The following ADAM7 variants were observed in gnomAD, a reference collection of about 807,000 sequenced individuals.
The protein encoded by ADAM7 is disintegrin and metalloproteinase domain-containing protein 7.
In ADAM7, 97 loss-of-function variants were observed where a neutral mutation model predicts 102.9. That is an observed-to-expected ratio of 0.94 (90% confidence interval 0.80 to 1.12). ADAM7 has a LOEUF of 1.12. ADAM7 is among the 50% of genes most tolerant of loss of function. The pLI is 0.00. For missense variants in ADAM7, 991 were observed against 908.7 expected (o/e 1.09, Z -1.16); for synonymous variants, 334 against 304.4 (o/e 1.10, Z -1.01).
At chr8:24,495,207 C>A (rs1382136183) in intron 16 of ADAM7, among the ~76,000 whole-genome samples, 1 of 152,074 alleles carries the variant, frequency 6.6e-6, no homozygotes, top group Non-Finnish European at 1.5e-5. Context: ...GCTCATAGTC[C>A]CCAGAGTATC....
intron 14 of ADAM7, 55 bp downstream of exon 14, chr8:24,492,153 T>C (rs1211587907): frequency 2.6e-5 from 40 of 1,525,276 alleles, no homozygotes; most frequent in Non-Finnish European, 3.3e-5. Context: ...TATTTCTCTG[T>C]TATTGCCCTG....
At chr8:24,489,766 GAA>G (rs766897629) in intron 12 of ADAM7, among the ~76,000 whole-genome samples, 7 of 152,174 alleles carry the variant, frequency 4.6e-5, no homozygotes, top group Admixed American at 3.3e-4. Flanking sequence ...TAATAGAGCA[GAA>G]ACCTTCAAAT....
chr8:24,444,301 G>GA (rs925285332), intron 2 of ADAM7, among the ~76,000 whole-genome samples: 22 of 151,190 alleles, frequency 1.5e-4, no homozygotes, highest in African/African-American at 5.3e-4. Flanking sequence ...TAAATAAATT[G>GA]AAAAAATGGA....
At chr8:24,443,834 A>AG (rs1222474849) in intron 2 of ADAM7, among the ~76,000 whole-genome samples, 1 of 152,070 alleles carries the variant, frequency 6.6e-6, no homozygotes, top group Non-Finnish European at 1.5e-5. Flanking sequence ...GCTACTCCGG[A>AG]GGCTGAGGTG....
Position 24,487,225 on chromosome 8 carries a change from G to T in ADAM7, c.999G>T (p.Met333Ile), listed in dbSNP as rs1563390300. ...LPDTNIIANR[M>I]AHQLGHNLGM... The stretch of plus-strand genomic sequence containing the variant: ...ACACAAACATAATTGCAAACAGAAT[G>T]GCACATCAACTGGGGCATAACCTTG... Residue 333 changes from methionine (M) to isoleucine (I), a missense_variant, in exon 11 of 22, where the codon ATG (methionine) becomes ATT (isoleucine). Physicochemically the swap from Met to Ile is conservative, Grantham distance 10. Coordinates refer to ENST00000175238, the MANE Select transcript of ADAM7 (RefSeq NM_003817.4). 1 of 1,613,714 alleles carries T rather than the reference G, an allele frequency of 6.2e-7. No individual in the cohort carries two copies. Among genetic ancestry groups the T allele is most frequent in the Non-Finnish European group, 8.5e-7 (1 of 1,179,830 alleles).
intron 15 of ADAM7, 94 bp downstream of exon 15, chr8:24,492,691 T>A (rs946252317): frequency 3.6e-6 from 3 of 833,630 alleles, no homozygotes; most frequent in African/African-American, 3.4e-5. Flanking sequence ...AATCTCTTTT[T>A]ACTGAGACCG....
rs905732730 is a variant in ADAM7 at position 24,501,334 on chromosome 8, A to G, written c.2109-143A>G. ...AAGTTGATAATTAGACAATATAAAA[A>G]AGCATTATTTCAATATATTTAACAT... On this transcript the variant is annotated intron_variant, in intron 19 of 21. Transcript: ENST00000175238. 9 of 572,378 alleles carry G rather than the reference A, an allele frequency of 1.6e-5. No homozygotes were observed. The African/African-American group carries it at 1.8e-4, about 11-fold the overall frequency. The allele number at this position is 572,378 out of a possible 1,614,324, so 35.5% of individuals were successfully genotyped here. A position where few individuals can be genotyped will look rare whatever the true frequency, so the allele number is the denominator to read the frequency against.
chr8:24,483,644 C>T lies in ADAM7; in HGVS notation c.875+1333C>T, dbSNP rs541130498. On this transcript the variant is annotated intron_variant, in intron 9 of 21. Coordinates refer to ENST00000175238, the MANE Select transcript of ADAM7 (RefSeq NM_003817.4). ...ATCTGGGATGGCCCATAGCATATATCGCCAGAGGCATAGTTGTGCCTGGCT... is the reference window on the plus strand; with the variant it reads ...ATCTGGGATGGCCCATAGCATATATTGCCAGAGGCATAGTTGTGCCTGGCT... Among the ~76,000 whole-genome samples the T allele has an allele frequency of 2.0e-5, 3 of 152,192 alleles. No homozygotes were observed. The East Asian group carries it at 5.8e-4, about 29-fold the overall frequency.
intron 15 of ADAM7, 74 bp from the exon 16 acceptor site, chr8:24,492,969 G>A: frequency 1.4e-6 from 2 of 1,405,082 alleles, no homozygotes; most frequent in East Asian, 4.9e-5. Flanking sequence ...GAGTGACCGG[G>A]AGGCTCCATT....
At chr8:24,459,799 T>C (rs1195272820) in intron 3 of ADAM7, among the ~76,000 whole-genome samples, 1 of 152,182 alleles carries the variant, frequency 6.6e-6, no homozygotes, top group Non-Finnish European at 1.5e-5. Context: ...TAATTGGTTG[T>C]CTATTTATTT....
At chr8:24,459,707 G>T (rs562001703) in intron 3 of ADAM7, among the ~76,000 whole-genome samples, 3 of 152,084 alleles carry the variant, frequency 2.0e-5, no homozygotes, top group Non-Finnish European at 4.4e-5. Context: ...CAATTCTCCT[G>T]CCTTGGCCTC....
intron 12 of ADAM7, 104 bp from the exon 13 acceptor site, chr8:24,490,695 C>T (rs1191140101): frequency 9.1e-6 from 10 of 1,104,872 alleles, no homozygotes; most frequent in Admixed American, 8.1e-5. Flanking sequence ...TCATGCATCA[C>T]TATTTAACTC....
intron 3 of ADAM7, among the ~76,000 whole-genome samples, chr8:24,458,195 C>T (rs534512055): frequency 6.6e-6 from 1 of 152,188 alleles, no homozygotes; most frequent in Admixed American, 6.5e-5. Flanking sequence ...CTTAGAGTCA[C>T]CCTGGCAATT....
At chr8:24,501,698 C>A (rs1820766839) in intron 20 of ADAM7, 122 bp downstream of exon 20, 3 of 619,980 alleles carry the variant, frequency 4.8e-6, no homozygotes, top group South Asian at 2.5e-5. Flanking sequence ...AGCAATTTAA[C>A]ATGGTTCCAC....
Position 24,487,301 on chromosome 8 carries a change from A to G in ADAM7, c.1075A>G (p.Met359Val). 1.2e-6 allele frequency: 2 copies of G among 1,613,700 alleles called. No individual in the cohort carries two copies. The highest frequency in any genetic ancestry group is 1.7e-6 in the Non-Finnish European group (2 of 1,179,758). Residue 359 changes from methionine to valine, a missense_variant, in exon 11 of 22, where the codon ATG (methionine) becomes GTG (valine). Met to Val is a conservative substitution (Grantham distance 21, BLOSUM62 1). Coordinates refer to ENST00000175238, the MANE Select transcript of ADAM7 (RefSeq NM_003817.4). ...PCTCPSGKCV[M>V]DSDGSIPALK... ...CACCTGTCCTTCAGGAAAATGCGTG[A>G]TGGACAGTGATGGAAGGTGAGATTC...
rs757587953 is a variant in ADAM7 at position 24,442,589 on chromosome 8, A to C, written c.156+13A>C. ...TGATGACATACTGGTACAAGTTTTG[A>C]TTTAGTAAATAAGATTTGTTGCTTT... On this transcript the variant is annotated intron_variant, in intron 2 of 21. Transcript: ENST00000175238. The C allele has an allele frequency of 1.3e-6, 2 of 1,594,018 alleles. No homozygotes were observed. The highest frequency in any genetic ancestry group is 2.2e-5 in the South Asian group (2 of 90,666).
chr8:24,501,603 A>G, intron 20 of ADAM7, 27 bp downstream of exon 20: 1 of 1,531,578 alleles, frequency 6.5e-7, no homozygotes, highest in Non-Finnish European at 8.8e-7. Context: ...TGCAACAGTT[A>G]ATTTATTGAT....
chr8:24,455,105 T>C (rs1818980376), intron 3 of ADAM7, among the ~76,000 whole-genome samples: 1 of 152,176 alleles, frequency 6.6e-6, no homozygotes, highest in African/African-American at 2.4e-5. Context: ...ATATTCTATT[T>C]ACCTGTTGCA....
At chr8:24,491,053 T>C (rs943458948) in intron 13 of ADAM7, among the ~76,000 whole-genome samples, 165 bp downstream of exon 13, 9 of 152,164 alleles carry the variant, frequency 5.9e-5, no homozygotes, top group Admixed American at 1.3e-4. Flanking sequence ...CATCTGAGCA[T>C]TGGGCTGTGC....
Sources: gnomAD v4.1 joint callset for allele counts (sites outside exome capture counted in the v4.1 genomes callset) on GRCh38, gnomAD v4.1.1 for gene constraint, MANE v1.5 for transcripts, NCBI Gene and HGNC (gene_info 2026-07-23, HGNC 2026-07-21) for gene names.